The following CCNH variants were observed in gnomAD, a reference collection of about 807,000 sequenced individuals.
CCNH encodes cyclin-H.
Under a neutral mutation model 41.9 loss-of-function variants are expected in CCNH, and 31 were observed. The observed-to-expected ratio is 0.74, with a 90% CI of 0.56 to 1.00. CCNH has a LOEUF of 1.00. Among genes scored for constraint, CCNH ranks in the 50% least tolerant of loss-of-function variants. The pLI, the probability that CCNH is intolerant of heterozygous loss-of-function variation, is 0.00. For missense variants in CCNH, 362 were observed against 388.4 expected (o/e 0.93, Z 0.57); for synonymous variants, 138 against 136.1 (o/e 1.01, Z -0.10).
rs75949864 is a variant in CCNH at position 87,361,271 on chromosome 5, A to G, written c.*90+31499T>C. On this transcript the variant is annotated intron_variant and NMD_transcript_variant, in intron 9 of 9. Coordinates refer to the CCNH transcript ENST00000645953. The stretch of plus-strand genomic sequence containing the variant: ...GGACTGGATTTAGCATGCGTGCCAC[A>G]GTTTGTCAGCCCTGCTGTAAGCAAT... Among the ~76,000 whole-genome samples, 1,338 of 152,292 alleles carry G rather than the reference A, an allele frequency of 8.8e-3. 11 individuals carry two copies. The highest frequency in any genetic ancestry group is 0.012 in the Non-Finnish European group (849 of 68,024).
chr5:87,354,953 T>C (rs1030245022), intron 9 of CCNH, among the ~76,000 whole-genome samples: 5 of 152,158 alleles, frequency 3.3e-5, no homozygotes, highest in African/African-American at 4.8e-5. Context: ...CCTAACTCTC[T>C]TCTATTCTGT....
downstream of CCNH, among the ~76,000 whole-genome samples, chr5:87,373,819 CTTATA>C (rs893153379): frequency 3.1e-4 from 47 of 152,006 alleles, no homozygotes; most frequent in Middle Eastern, 0.017. Flanking sequence ...CAGTTGTTTA[CTTATA>C]TTAATAAAGA....
intron 9 of CCNH, among the ~76,000 whole-genome samples, chr5:87,354,307 G>A (rs150013511): frequency 4.6e-5 from 7 of 152,178 alleles, no homozygotes; most frequent in African/African-American, 1.4e-4. Flanking sequence ...CAAGAAGGAC[G>A]TCTATTGCGA....
intron 7 of CCNH, 27 bp downstream of exon 7, chr5:87,399,367 T>C (rs761495266): frequency 2.7e-6 from 4 of 1,486,664 alleles, no homozygotes; most frequent in South Asian, 2.3e-5. Flanking sequence ...GTTATGTCTA[T>C]TGATTAACAC....
Position 87,331,492 on chromosome 5 carries a change from C to T in CCNH, c.*91-12595G>A, listed in dbSNP as rs1286975622. 3 of 1,613,700 alleles carry T rather than the reference C, an allele frequency of 1.9e-6. No homozygotes were observed. The highest frequency in any genetic ancestry group is 1.7e-6 in the Non-Finnish European group (2 of 1,179,736). Reference sequence around the variant, plus strand: ...TTCTTAGCCAGATGAATGTTGTCAACCATTTTAGGTAAGTCTTTATTCCTA... The same window carrying T: ...TTCTTAGCCAGATGAATGTTGTCAATCATTTTAGGTAAGTCTTTATTCCTA... On this transcript the variant is annotated intron_variant and NMD_transcript_variant, in intron 9 of 9. Coordinates refer to the CCNH transcript ENST00000645953.
intron 9 of CCNH, chr5:87,385,260 G>A: frequency 7.9e-7 from 1 of 1,272,962 alleles, no homozygotes; most frequent in Non-Finnish European, 1.1e-6. Context: ...TGGAAGTGCT[G>A]TTGGACTTGG....
chr5:87,407,491 T>C (rs1164014049), intron 4 of CCNH, among the ~76,000 whole-genome samples: 1 of 152,336 alleles, frequency 6.6e-6, no homozygotes, highest in East Asian at 1.9e-4. Context: ...CTTTTGTCAA[T>C]GTTTGTTTAC....
chr5:87,411,734 T>C (rs1379300793), intron 1 of CCNH, among the ~76,000 whole-genome samples: 1 of 152,178 alleles, frequency 6.6e-6, no homozygotes, highest in African/African-American at 2.4e-5. Flanking sequence ...CGTCACAAGT[T>C]GTAAAAAAAC....
At chr5:87,383,606 A>ATGGGTTCTATG (rs1197612749) in intron 9 of CCNH, 2 of 786,362 alleles carry the variant, frequency 2.5e-6, no homozygotes, top group Non-Finnish European at 4.0e-6. Flanking sequence ...AGTGAATTTT[A>ATGGGTTCTATG]TGGGTTCTAT....
chr5:87,372,310 G>A, downstream of CCNH: 1 of 911,816 alleles, frequency 1.1e-6, no homozygotes, highest in Admixed American at 2.1e-5. Flanking sequence ...AAGCCATGCT[G>A]CCACTTGCTT....
Position 87,412,428 on chromosome 5 carries a change from T to C in CCNH, c.117+250A>G, listed in dbSNP as rs573651150. On this transcript the variant is annotated intron_variant, in intron 1 of 8. Transcript: ENST00000256897. ...CTTGCCACGCACTACCTTAGCACAC[T>C]ACTTACTCTCTTCTTCACTACGTTA... 13 of 1,350,966 alleles carry C rather than the reference T, an allele frequency of 9.6e-6. No individual in the cohort carries two copies. In the East Asian group the frequency reaches 3.6e-4, roughly 37 times the overall value. The allele number at this position is 1,350,966 out of a possible 1,614,324, so 83.7% of individuals were successfully genotyped here.
At chr5:87,391,686 T>A (rs1762532844), downstream of CCNH, 1 of 232,928 alleles carries the variant, frequency 4.3e-6, no homozygotes, top group Admixed American at 5.6e-5. Flanking sequence ...ATTTCTTTTA[T>A]GTTAACTAGA....
intron 9 of CCNH, chr5:87,331,585 A>G: frequency 7.0e-7 from 1 of 1,423,542 alleles, no homozygotes; most frequent in African/African-American, 1.4e-5. Context: ...ATAAAGGTGA[A>G]TGACTCAGTA....
At position 87,338,649 on chromosome 5, in the gene CCNH, G is replaced by A. The variant is rs1223475070; in HGVS notation, c.*91-19752C>T. Among the ~76,000 whole-genome samples, 4 of 150,104 alleles carry A rather than the reference G, an allele frequency of 2.7e-5. No individual in the cohort carries two copies. In the East Asian group the frequency reaches 7.8e-4, roughly 29 times the overall value. ...AGCCTCCCAAAGTACTGGGATGACA[G>A]GCATGAGCCACAGTGCCCGGCCTAT... On this transcript the variant is annotated intron_variant and NMD_transcript_variant, in intron 9 of 9. Coordinates refer to the CCNH transcript ENST00000645953.
intron 2 of CCNH, among the ~76,000 whole-genome samples, chr5:87,409,640 G>GTA (rs1764075497): frequency 6.9e-6 from 1 of 145,102 alleles, no homozygotes; most frequent in Non-Finnish European, 1.5e-5. Context: ...GTGTGTGTGT[G>GTA]TGTGTGTGTG....
intron 9 of CCNH, among the ~76,000 whole-genome samples, chr5:87,328,524 T>C (rs1374975210): frequency 6.6e-6 from 1 of 152,188 alleles, no homozygotes; most frequent in Admixed American, 6.5e-5. Context: ...TTTAGACAAA[T>C]AACCACTCCC....
chr5:87,353,247 A>T, intron 9 of CCNH: 1 of 1,581,666 alleles, frequency 6.3e-7, no homozygotes, highest in Non-Finnish European at 8.7e-7. Context: ...TCAGTGTTGC[A>T]TTTCTTATTG....
rs199733745 is a variant in CCNH at position 87,385,336 on chromosome 5, T to C, written c.*90+7434A>G. On this transcript the variant is annotated intron_variant and NMD_transcript_variant, in intron 9 of 9. Transcript: ENST00000645953. Reference sequence around the variant, plus strand: ...TCCTATTGCTGCAAGAACACTGATATTAGTGGCTAAATCTGTGCAGAACTT... The same window carrying C: ...TCCTATTGCTGCAAGAACACTGATACTAGTGGCTAAATCTGTGCAGAACTT... The C allele has an allele frequency of 6.8e-6, 11 of 1,611,650 alleles. No individual in the cohort carries two copies. The highest frequency in any genetic ancestry group is 6.7e-5 in the Admixed American group (4 of 59,928).
chr5:87,385,293 T>G, intron 9 of CCNH: 1 of 1,585,844 alleles, frequency 6.3e-7, no homozygotes, highest in Non-Finnish European at 8.7e-7. Context: ...TGCCCAATTC[T>G]GTTACAGATT....
Sources: allele counts gnomAD v4.1 joint callset (sites outside exome capture counted in the v4.1 genomes callset), GRCh38; gene constraint gnomAD v4.1.1; transcripts MANE v1.5; gene names NCBI Gene and HGNC (gene_info 2026-07-23, HGNC 2026-07-21).